Variants in INPP4B observed in about 807,000 individuals in gnomAD.
INPP4B encodes the protein inositol polyphosphate 4-phosphatase type II.
A neutral mutation model predicts 122.5 loss-of-function variants in INPP4B; 55 were observed. The observed-to-expected ratio is 0.45, with a 90% CI of 0.36 to 0.56. The LOEUF (loss-of-function observed/expected upper bound fraction) is 0.56, where lower values mean the gene tolerates loss of function less well. Ranked by LOEUF, INPP4B falls within the 20% of genes least tolerant of loss-of-function variation. INPP4B has a pLI of 0.00. For synonymous variants in INPP4B, 403 were observed against 388.7 expected (o/e 1.04, Z -0.43); for missense variants, 1,000 against 1,097.7 (o/e 0.91, Z 1.26).
At chr4:142,062,623 C>A (rs1213595342) in intron 25 of INPP4B, among the ~76,000 whole-genome samples, 1 of 151,994 alleles carries the variant, frequency 6.6e-6, no homozygotes, top group African/African-American at 2.4e-5. Context: ...GTAGTCCCAG[C>A]TACTTGGGGG....
intron 4 of INPP4B, among the ~76,000 whole-genome samples, chr4:142,429,982 C>T (rs1001032350): frequency 6.6e-6 from 1 of 151,934 alleles, no homozygotes; most frequent in Non-Finnish European, 1.5e-5. Context: ...TGTTACAACT[C>T]AAGGGTGGCC....
intron 15 of INPP4B, among the ~76,000 whole-genome samples, chr4:142,188,442 G>A (rs1037151701): frequency 1.4e-4 from 17 of 124,740 alleles, no homozygotes; most frequent in Admixed American, 6.5e-4. Context: ...AGCGAAGATC[G>A]CACCACTGCA....
chr4:142,562,621 T>C (rs1730707052), intron 2 of INPP4B, among the ~76,000 whole-genome samples: 2 of 151,958 alleles, frequency 1.3e-5, no homozygotes, highest in Admixed American at 1.3e-4. Flanking sequence ...AAAACAAAAT[T>C]GTCCAGTTCC....
rs1778709893 is a variant in INPP4B, at chr4:142,089,938, T to C, written c.2375-3682A>G. Among the ~76,000 whole-genome samples, 3 of 152,320 alleles carry C rather than the reference T, an allele frequency of 2.0e-5. No individual in the cohort carries two copies. The South Asian group carries it at 6.2e-4, about 32-fold the overall frequency. On this transcript the variant is annotated intron_variant, in intron 23 of 25. Coordinates refer to ENST00000262992, the MANE Select transcript of INPP4B (RefSeq NM_001101669.3). ...CAGAGGAGGAGTCAAGGCTAAAACT[T>C]TGTCTCTTAACTGCTGTACCAGTAA...
chr4:142,609,874 A>T (rs1742101868), intron 2 of INPP4B, among the ~76,000 whole-genome samples: 1 of 152,184 alleles, frequency 6.6e-6, no homozygotes, highest in African/African-American at 2.4e-5. Flanking sequence ...TGTAATTATA[A>T]TTTCCTAAGA....
chr4:142,223,033 C>T (rs1850026095), intron 12 of INPP4B, among the ~76,000 whole-genome samples: 1 of 151,934 alleles, frequency 6.6e-6, no homozygotes, highest in Admixed American at 6.6e-5. Context: ...TATTTTAAAC[C>T]TCACAATAAC....
At chr4:142,721,287 C>G (rs959839774) in intron 2 of INPP4B, among the ~76,000 whole-genome samples, 1 of 152,132 alleles carries the variant, frequency 6.6e-6, no homozygotes, top group Non-Finnish European at 1.5e-5. Flanking sequence ...ATTTCCATAC[C>G]TGGCATTTAA....
intron 2 of INPP4B, among the ~76,000 whole-genome samples, chr4:142,517,068 G>A (rs1226314605): frequency 1.3e-5 from 2 of 150,102 alleles, no homozygotes; most frequent in Non-Finnish European, 3.0e-5. Flanking sequence ...GTTTGCATAT[G>A]ACTAGACAAA....
At chr4:142,738,588 C>T (rs1431124614) in intron 1 of INPP4B, among the ~76,000 whole-genome samples, 4 of 149,724 alleles carry the variant, frequency 2.7e-5, no homozygotes, top group African/African-American at 9.8e-5. Context: ...GTGCACTGTA[C>T]CCTAAAACTT....
At chr4:142,572,000 AT>A (rs912933996) in intron 2 of INPP4B, among the ~76,000 whole-genome samples, 101 of 152,172 alleles carry the variant, frequency 6.6e-4, no homozygotes, top group African/African-American at 2.3e-3. Context: ...ATATTTCGCC[AT>A]TTTTTTCCAT....
intron 3 of INPP4B, among the ~76,000 whole-genome samples, chr4:142,444,135 A>C (rs1453664697): frequency 6.6e-6 from 1 of 152,194 alleles, no homozygotes; most frequent in Non-Finnish European, 1.5e-5. Flanking sequence ...ACAGAGATGC[A>C]GAATGCCTTT....
At chr4:142,371,751 G>T (rs1173345134) in intron 7 of INPP4B, among the ~76,000 whole-genome samples, 1 of 151,878 alleles carries the variant, frequency 6.6e-6, no homozygotes, top group African/African-American at 2.4e-5. Flanking sequence ...ACCCCAGTGA[G>T]AATGGATATG....
At chr4:142,661,725 A>C (rs901990641) in intron 2 of INPP4B, among the ~76,000 whole-genome samples, 4 of 152,228 alleles carry the variant, frequency 2.6e-5, no homozygotes. Context: ...GATATAGTGC[A>C]CTACAGCTAC....
chr4:142,250,531 T>A (rs1317597227), intron 11 of INPP4B, among the ~76,000 whole-genome samples: 1 of 152,160 alleles, frequency 6.6e-6, no homozygotes, highest in Non-Finnish European at 1.5e-5. Context: ...TTGCTGAGTT[T>A]AGATAGATAG....
At chr4:142,725,405 A>G (rs1370457240) in intron 2 of INPP4B, among the ~76,000 whole-genome samples, 1 of 152,082 alleles carries the variant, frequency 6.6e-6, no homozygotes, top group African/African-American at 2.4e-5. Flanking sequence ...TTTTTTTTGT[A>G]TATTCAAAAA....
chr4:142,624,614 T>A (rs1458175366), intron 2 of INPP4B, among the ~76,000 whole-genome samples: 1 of 152,048 alleles, frequency 6.6e-6, no homozygotes, highest in Non-Finnish European at 1.5e-5. Context: ...GAGGGAATCC[T>A]CCTAACTCAT....
chr4:142,156,332 A>G (rs1174820576), intron 17 of INPP4B, among the ~76,000 whole-genome samples: 1 of 152,148 alleles, frequency 6.6e-6, no homozygotes, highest in Non-Finnish European at 1.5e-5. Context: ...CAGAATTATT[A>G]GAAACCACAA....
intron 3 of INPP4B, among the ~76,000 whole-genome samples, chr4:142,452,152 T>C (rs1814421215): frequency 6.6e-6 from 1 of 152,066 alleles, no homozygotes; most frequent in Non-Finnish European, 1.5e-5. Context: ...GAACATGTGG[T>C]GTTTGGTTTT....
intron 2 of INPP4B, among the ~76,000 whole-genome samples, chr4:142,630,644 T>A (rs115414904): frequency 0.014 from 2,056 of 152,124 alleles, 36 homozygotes; most frequent in African/African-American, 0.039. Context: ...AATTACCAGG[T>A]CAGGAGACTT....
Sources: allele counts gnomAD v4.1 joint callset (sites outside exome capture counted in the v4.1 genomes callset), GRCh38; gene constraint gnomAD v4.1.1; transcripts MANE v1.5; gene names NCBI Gene and HGNC (gene_info 2026-07-23, HGNC 2026-07-21).